BTAF1: variants seen among roughly 807,000 people sequenced by gnomAD.
The protein encoded by BTAF1 is TATA-binding protein-associated factor 172.
Under a neutral mutation model 227.1 loss-of-function variants are expected in BTAF1, and 38 were observed. The observed-to-expected ratio is 0.17, with a 90% CI of 0.13 to 0.22. BTAF1 has a LOEUF of 0.22. Ranked by LOEUF, BTAF1 falls within the 10% of genes least tolerant of loss-of-function variation. BTAF1 has a pLI of 1.00. For missense variants in BTAF1, 1,598 were observed against 2,204.0 expected (o/e 0.73, Z 5.51); for synonymous variants, 742 against 751.9 (o/e 0.99, Z 0.21).
chr10:91,937,286 C>T (rs1280811661), intron 2 of BTAF1, among the ~76,000 whole-genome samples: 1 of 152,106 alleles, frequency 6.6e-6, no homozygotes, highest in African/African-American at 2.4e-5. Context: ...AACCACCGCT[C>T]CTGGCCGGTT....
At position 91,989,224 on chromosome 10, in the gene BTAF1, G is replaced by A; in HGVS notation, c.2498G>A (p.Ser833Asn). The A allele has an allele frequency of 2.5e-6, 4 of 1,614,014 alleles. No individual in the cohort carries two copies. Among genetic ancestry groups the A allele is most frequent in the Non-Finnish European group, 3.4e-6 (4 of 1,180,014 alleles). Reference protein sequence around the residue: ...LNPQVLQQLDSKRQQVQMTVT... With the variant: ...LNPQVLQQLDNKRQQVQMTVT... ...CCTCAAGTGTTACAACAGTTAGATAGTAAACGACAGCAGGTCCAAATGACA... is the reference window on the plus strand; with the variant it reads ...CCTCAAGTGTTACAACAGTTAGATAATAAACGACAGCAGGTCCAAATGACA... Residue 833 changes from serine to asparagine, a missense_variant, in exon 20 of 38, where the codon AGT (serine) becomes AAT (asparagine). Ser to Asn is a conservative substitution (Grantham distance 46). Coordinates refer to ENST00000265990, the MANE Select transcript of BTAF1 (RefSeq NM_003972.3).
At chr10:91,938,941 C>T (rs193023592) in intron 2 of BTAF1, among the ~76,000 whole-genome samples, 34 of 129,776 alleles carry the variant, frequency 2.6e-4, no homozygotes, top group Admixed American at 4.1e-4. Flanking sequence ...CTTGCATTTG[C>T]ATATACATTT....
chr10:91,986,966 A>G (rs1848436151), intron 19 of BTAF1, among the ~76,000 whole-genome samples: 1 of 151,874 alleles, frequency 6.6e-6, no homozygotes, highest in Admixed American at 6.6e-5. Flanking sequence ...TTTCCCTGCG[A>G]TCTTTGTCTC....
intron 14 of BTAF1, among the ~76,000 whole-genome samples, chr10:91,970,853 CA>C (rs1232409529): frequency 6.6e-6 from 1 of 152,180 alleles, no homozygotes; most frequent in Non-Finnish European, 1.5e-5. Context: ...GCTGAAAGAT[CA>C]GGAAGATTAG....
chr10:91,954,447 A>T (rs891426411), intron 6 of BTAF1, among the ~76,000 whole-genome samples: 4 of 152,132 alleles, frequency 2.6e-5, no homozygotes, highest in East Asian at 1.9e-4. Context: ...TTCATAAGTT[A>T]CTAAAAGTGA....
chr10:92,022,449 T>C (rs1024458776), intron 34 of BTAF1, among the ~76,000 whole-genome samples: 2 of 151,900 alleles, frequency 1.3e-5, no homozygotes, highest in African/African-American at 4.8e-5. Flanking sequence ...AGAGAGAGGG[T>C]CTTACCCTGT....
At chr10:91,993,394 G>GA (rs202158930) in intron 21 of BTAF1, among the ~76,000 whole-genome samples, 186 of 151,750 alleles carry the variant, frequency 1.2e-3, no homozygotes, top group African/African-American at 4.3e-3. Context: ...AGAGAAGGAG[G>GA]AAAAAAAATG....
chr10:91,950,253 CT>C (rs1216279036), intron 4 of BTAF1, among the ~76,000 whole-genome samples: 2 of 150,984 alleles, frequency 1.3e-5, no homozygotes, highest in African/African-American at 4.9e-5. Flanking sequence ...AAAGGGGAAA[CT>C]TTTGTTTTTT....
In BTAF1 at chr10:91,960,134, T is replaced by C; in HGVS notation, c.1243T>C (p.Tyr415His). Residue 415 changes from tyrosine (Y) to histidine (H), a missense_variant, in exon 11 of 38, where the codon TAT becomes CAT. Tyr to His is a moderately conservative substitution (Grantham distance 83). This residue lies in a region of BTAF1 where 52 missense variants were observed against 72.4 expected (regional missense o/e 0.72). Coordinates refer to ENST00000265990, the MANE Select transcript of BTAF1 (RefSeq NM_003972.3). Reference sequence around the variant, plus strand: ...ACATGGTGGTCTGCTGGGAATAAAATATGCTTTGGCAGTCCGTCAGGTAAA... The same window carrying C: ...ACATGGTGGTCTGCTGGGAATAAAACATGCTTTGGCAGTCCGTCAGGTAAA... ...VRHGGLLGIK[Y>H]ALAVRQDVIN... 1 of 1,613,156 alleles carries C rather than the reference T, an allele frequency of 6.2e-7. No individual in the cohort carries two copies.
At chr10:91,982,846 G>GTAATACAACTATTTAC in intron 18 of BTAF1, 85 bp downstream of exon 18, 1 of 1,315,900 alleles carries the variant, frequency 7.6e-7, no homozygotes, top group Non-Finnish European at 1.0e-6. Flanking sequence ...ACAGAAAAGT[G>GTAATACAACTATTTAC]AAAATTTTCG....
intron 25 of BTAF1, among the ~76,000 whole-genome samples, chr10:92,002,222 C>T (rs564810437): frequency 2.6e-5 from 4 of 152,214 alleles, no homozygotes; most frequent in South Asian, 2.1e-4. Flanking sequence ...AGAATGATGT[C>T]GTTTAAGTTC....
At chr10:91,924,208 C>T in intron 1 of BTAF1, 118 bp downstream of exon 1, 20 of 1,348,616 alleles carry the variant, frequency 1.5e-5, no homozygotes, top group Non-Finnish European at 2.0e-5. Context: ...CTGGAGCTTT[C>T]TTCAGTAGAC....
chr10:91,989,461 C>A lies in BTAF1; in HGVS notation c.2735C>A (p.Thr912Lys). Residue 912 changes from threonine to lysine, a missense_variant, in exon 20 of 38, where the codon ACG becomes AAG. This residue lies in a region of BTAF1 where 425 missense variants were observed against 491.2 expected (regional missense o/e 0.87). Transcript: ENST00000265990. ...CTCCTTCAGCAGTGCACAACAAGGA[C>A]GCCCTGTCCCAATTCAAAAATTATT... ...AKLLQQCTTRTPCPNSKIIKN... is the reference protein window; with the variant it reads ...AKLLQQCTTRKPCPNSKIIKN... The A allele has an allele frequency of 1.9e-6, 3 of 1,614,080 alleles. No individual in the cohort carries two copies. Among genetic ancestry groups the A allele is most frequent in the Non-Finnish European group, 2.5e-6 (3 of 1,180,034 alleles).
intron 7 of BTAF1, 122 bp from the exon 8 acceptor site, chr10:91,957,103 A>G: frequency 1.6e-6 from 1 of 624,934 alleles, no homozygotes; most frequent in South Asian, 3.0e-5. Context: ...AGTTAAAAAA[A>G]TTAAATTTTT....
At chr10:91,933,282 C>T (rs557125808) in intron 1 of BTAF1, among the ~76,000 whole-genome samples, 15 of 152,196 alleles carry the variant, frequency 9.9e-5, no homozygotes, top group East Asian at 3.9e-4. Flanking sequence ...GTGATTTATT[C>T]GGGGGCGTTT....
At chr10:92,018,704 G>C in intron 33 of BTAF1, 79 bp from the exon 34 acceptor site, 1 of 1,262,570 alleles carries the variant, frequency 7.9e-7, no homozygotes, top group Non-Finnish European at 1.1e-6. Context: ...ATAGGAAATA[G>C]CATAGGGAAA....
chr10:91,939,400 G>T (rs1238806386), intron 2 of BTAF1, among the ~76,000 whole-genome samples: 2 of 152,112 alleles, frequency 1.3e-5, no homozygotes, highest in Non-Finnish European at 2.9e-5. Flanking sequence ...TGTAAAATGG[G>T]TGTTATTTTT....
intron 14 of BTAF1, among the ~76,000 whole-genome samples, chr10:91,978,477 A>G (rs983420496): frequency 3.3e-5 from 5 of 151,710 alleles, no homozygotes; most frequent in African/African-American, 1.2e-4. Flanking sequence ...TAATTCTGTT[A>G]AGATTGTCCC....
intron 15 of BTAF1, among the ~76,000 whole-genome samples, chr10:91,981,151 A>G (rs1427793688): frequency 6.6e-6 from 1 of 152,176 alleles, no homozygotes; most frequent in Admixed American, 6.5e-5. Context: ...GTCCTAGCCC[A>G]TTAAATGTTA....
Sources: allele counts gnomAD v4.1 joint callset (sites outside exome capture counted in the v4.1 genomes callset), GRCh38; gene constraint gnomAD v4.1.1; regional missense constraint gnomAD v4.1.1; transcripts MANE v1.5; gene names NCBI Gene and HGNC (gene_info 2026-07-23, HGNC 2026-07-21).